Variants in NRXN3 observed in about 807,000 individuals in gnomAD.
NRXN3 encodes neurexin 3.
NRXN3 carries 32 observed loss-of-function variants against 137.6 expected under a neutral mutation model. That is an observed-to-expected ratio of 0.23 (90% CI 0.18 to 0.31). NRXN3 has a LOEUF of 0.31. NRXN3 is among the 10% of genes least tolerant of loss of function. The pLI, the probability that NRXN3 is intolerant of heterozygous loss-of-function variation, is 1.00. For missense variants in NRXN3, 1,574 were observed against 2,062.5 expected, an observed-to-expected ratio of 0.76 and a Z score of 4.59; for synonymous variants, 798 against 784.5, an observed-to-expected ratio of 1.02 and a Z score of -0.29.
intron 10 of NRXN3, among the ~76,000 whole-genome samples, chr14:78,884,985 G>A (rs2099139302): frequency 6.6e-6 from 1 of 151,938 alleles, no homozygotes; most frequent in African/African-American, 2.4e-5. Flanking sequence ...TATTATTAAA[G>A]CTCCTACACT....
chr14:79,045,868 G>C (rs542095594), intron 15 of NRXN3, among the ~76,000 whole-genome samples: 74 of 152,304 alleles, frequency 4.9e-4, no homozygotes, highest in African/African-American at 1.8e-3. Context: ...CTGAGGTGGG[G>C]CCTGAGAATT....
At chr14:78,487,868 A>G (rs149216868) in intron 4 of NRXN3, among the ~76,000 whole-genome samples, 2 of 152,300 alleles carry the variant, frequency 1.3e-5, no homozygotes, top group African/African-American at 4.8e-5. Flanking sequence ...TTCAAAATGC[A>G]AAAGAGAATA....
At chr14:79,860,900 C>A in intron 20 of NRXN3, 1 of 543,026 alleles carries the variant, frequency 1.8e-6, no homozygotes. Context: ...CCAAATCTGC[C>A]TAGAATGATT....
chr14:78,787,951 AATG>A (rs1409988301), intron 8 of NRXN3, among the ~76,000 whole-genome samples: 1 of 152,182 alleles, frequency 6.6e-6, no homozygotes, highest in Non-Finnish European at 1.5e-5. Flanking sequence ...TAGACTTCAT[AATG>A]ATAAGGAAGA....
chr14:79,802,957 G>A (rs532060883), intron 19 of NRXN3, among the ~76,000 whole-genome samples: 2 of 152,198 alleles, frequency 1.3e-5, no homozygotes, highest in East Asian at 3.9e-4. Flanking sequence ...TAGGTGATGG[G>A]CTGATAGGCG....
intron 10 of NRXN3, among the ~76,000 whole-genome samples, chr14:78,842,197 C>A (rs1480228620): frequency 6.6e-6 from 1 of 152,052 alleles, no homozygotes; most frequent in Non-Finnish European, 1.5e-5. Flanking sequence ...TTCCTTTAAT[C>A]TGGTCATTTA....
chr14:78,801,632 T>C (rs1160368720), intron 8 of NRXN3, among the ~76,000 whole-genome samples: 1 of 152,192 alleles, frequency 6.6e-6, no homozygotes, highest in Non-Finnish European at 1.5e-5. Context: ...CAATTTGAGA[T>C]GAGATTTGGG....
chr14:78,913,628 T>C (rs2099247011), intron 10 of NRXN3, among the ~76,000 whole-genome samples: 1 of 152,146 alleles, frequency 6.6e-6, no homozygotes, highest in East Asian at 1.9e-4. Flanking sequence ...TGTCCTCTTC[T>C]AATCTTTAGA....
chr14:79,484,423 T>C (rs1411500743), intron 16 of NRXN3, among the ~76,000 whole-genome samples: 1 of 152,164 alleles, frequency 6.6e-6, no homozygotes, highest in Non-Finnish European at 1.5e-5. Context: ...CGCACAAATA[T>C]ATTTTTAAAT....
intron 4 of NRXN3, among the ~76,000 whole-genome samples, chr14:78,409,058 GAA>G (rs1325373407): frequency 2.0e-5 from 3 of 152,182 alleles, no homozygotes; most frequent in Admixed American, 2.0e-4. Flanking sequence ...TCTCTTTGCA[GAA>G]CCCCTGCCAA....
At chr14:78,294,977 C>T (rs968648163) in intron 3 of NRXN3, among the ~76,000 whole-genome samples, 1 of 152,168 alleles carries the variant, frequency 6.6e-6, no homozygotes, top group African/African-American at 2.4e-5. Context: ...TTGGTACTTC[C>T]ATTCACTGTT....
intron 4 of NRXN3, among the ~76,000 whole-genome samples, chr14:78,636,761 T>G (rs979235569): frequency 1.1e-4 from 16 of 152,180 alleles, no homozygotes; most frequent in African/African-American, 3.9e-4. Context: ...GTACATTACA[T>G]AAATTATTGT....
chr14:78,579,532 G>A (rs946504064), intron 4 of NRXN3, among the ~76,000 whole-genome samples: 3 of 149,832 alleles, frequency 2.0e-5, no homozygotes, highest in African/African-American at 7.4e-5. Context: ...AGTGGTGGTG[G>A]TTAAAAAAAA....
At chr14:78,394,375 T>C (rs544380618) in intron 4 of NRXN3, among the ~76,000 whole-genome samples, 4 of 152,086 alleles carry the variant, frequency 2.6e-5, no homozygotes, top group South Asian at 2.1e-4. Flanking sequence ...CTAGATTACA[T>C]TGATAGGTTT....
chr14:78,793,414 C>T (rs1347125903), intron 8 of NRXN3, among the ~76,000 whole-genome samples: 2 of 152,116 alleles, frequency 1.3e-5, no homozygotes, highest in Non-Finnish European at 2.9e-5. Flanking sequence ...CAATCTGCAT[C>T]ACTCTCTAGA....
intron 15 of NRXN3, among the ~76,000 whole-genome samples, chr14:79,087,893 C>T (rs983673982): frequency 2.6e-5 from 4 of 152,144 alleles, no homozygotes; most frequent in African/African-American, 9.7e-5. Flanking sequence ...TTCAGTTGCA[C>T]TTGGAGAGAA....
At chr14:79,668,915 C>T (rs548228178) in intron 17 of NRXN3, among the ~76,000 whole-genome samples, 3 of 152,050 alleles carry the variant, frequency 2.0e-5, no homozygotes, top group Middle Eastern at 3.4e-3. Context: ...CAGTATACAT[C>T]GGTATAAGAA....
At chr14:78,945,356 C>T (rs1030342096) in intron 10 of NRXN3, among the ~76,000 whole-genome samples, 6 of 150,774 alleles carry the variant, frequency 4.0e-5, no homozygotes, top group Admixed American at 3.3e-4. Context: ...TATTTTTTTT[C>T]TCTGCTTTTA....
chr14:78,850,710 T>A (rs2099040241), intron 10 of NRXN3, among the ~76,000 whole-genome samples: 1 of 152,126 alleles, frequency 6.6e-6, no homozygotes, highest in Admixed American at 6.6e-5. Context: ...TGTTATAATT[T>A]AGATCATGTG....
Sources: gnomAD v4.1 joint callset for allele counts (sites outside exome capture counted in the v4.1 genomes callset) on GRCh38, gnomAD v4.1.1 for gene constraint, MANE v1.5 for transcripts, NCBI Gene and HGNC (gene_info 2026-07-23, HGNC 2026-07-21) for gene names.